Variants in BTD observed in about 807,000 individuals in gnomAD.
BTD encodes the protein biocytinase.
In BTD, 13 loss-of-function variants were observed where a neutral mutation model predicts 17.7. The observed-to-expected ratio is 0.74, with a 90% CI of 0.48 to 1.17. BTD has a LOEUF of 1.17. Among genes scored for constraint, BTD ranks in the 50% most tolerant of loss-of-function variants. BTD has a pLI of 0.00. For synonymous variants in BTD, 240 were observed against 245.2 expected, an observed-to-expected ratio of 0.98 and a Z score of 0.20; for missense variants, 674 against 650.4, an observed-to-expected ratio of 1.04 and a Z score of -0.39.
intron 3 of BTD, chr3:15,696,190 C>T: frequency 6.3e-7 from 1 of 1,594,994 alleles, no homozygotes; most frequent in Non-Finnish European, 8.6e-7. Flanking sequence ...GCGTTGTATC[C>T]TTGCTTATCA....
At chr3:15,690,366 G>A (rs1160395606) in intron 3 of BTD, 1 of 669,518 alleles carries the variant, frequency 1.5e-6, no homozygotes, top group East Asian at 2.7e-5. Flanking sequence ...AATTCAGGAA[G>A]TTAACTACAG....
intron 3 of BTD, chr3:15,686,206 A>G (rs758170374): frequency 6.3e-7 from 1 of 1,589,310 alleles, no homozygotes; most frequent in Admixed American, 1.8e-5. Context: ...TGCAACAATT[A>G]TTTATCGAAA....
chr3:15,665,548 G>T (rs1483100923), intron 3 of BTD, among the ~76,000 whole-genome samples: 1 of 152,142 alleles, frequency 6.6e-6, no homozygotes, highest in East Asian at 1.9e-4. Context: ...AAAAGAGAAG[G>T]AACAGGAACA....
rs1363672830 is a variant in BTD, at chr3:15,648,398, G to T, written c.*2910G>T. Among the ~76,000 whole-genome samples, 2 of 152,204 alleles carry T rather than the reference G, an allele frequency of 1.3e-5. No individual in the cohort carries two copies. The highest frequency in any genetic ancestry group is 2.1e-4 in the South Asian group (1 of 4,826). On this transcript the variant is annotated 3_prime_UTR_variant, in exon 4 of 4. Coordinates refer to ENST00000643237, the MANE Select transcript of BTD (RefSeq NM_001370658.1). ...ATGTTCCTTCTCAGGCCAGAGAAAG[G>T]TCCTGGTCTCCTGGCTTCAGTCTTT...
chr3:15,627,650 C>A (rs539918609), intron 1 of BTD, among the ~76,000 whole-genome samples: 1 of 152,152 alleles, frequency 6.6e-6, no homozygotes, highest in Admixed American at 6.5e-5. Flanking sequence ...TAAATTGTTT[C>A]TTTCATAATT....
intron 1 of BTD, among the ~76,000 whole-genome samples, chr3:15,618,220 G>A (rs1388081134): frequency 1.3e-5 from 2 of 152,134 alleles, no homozygotes; most frequent in Non-Finnish European, 2.9e-5. Flanking sequence ...TCCTGCCTTG[G>A]CCTCTTAAAG....
chr3:15,624,383 T>C (rs763699994), intron 1 of BTD, among the ~76,000 whole-genome samples: 11 of 152,106 alleles, frequency 7.2e-5, no homozygotes, highest in South Asian at 2.1e-4. Context: ...GTCCACTGTT[T>C]GTTGATTTTT....
chr3:15,610,425 T>G (rs1052163808), intron 1 of BTD, among the ~76,000 whole-genome samples: 4 of 152,188 alleles, frequency 2.6e-5, no homozygotes, highest in Non-Finnish European at 5.9e-5. Context: ...GTTAAAGGCA[T>G]TCGAGTTACA....
At chr3:15,696,323 A>C in intron 3 of BTD, 1 of 926,134 alleles carries the variant, frequency 1.1e-6, no homozygotes, top group South Asian at 1.7e-5. Flanking sequence ...CTGAAATTAA[A>C]AACTGACAAT....
intron 2 of BTD, among the ~76,000 whole-genome samples, chr3:15,636,795 G>T: frequency 6.6e-6 from 1 of 151,356 alleles, no homozygotes; most frequent in African/African-American, 2.4e-5. Context: ...GGGGTGTTTG[G>T]GGGCAGGGGG....
chr3:15,607,822 A>G (rs2064500647), intron 1 of BTD, among the ~76,000 whole-genome samples: 1 of 152,256 alleles, frequency 6.6e-6, no homozygotes, highest in African/African-American at 2.4e-5. Context: ...ACTATTTTTT[A>G]TAGCAATGCA....
At chr3:15,682,579 A>C (rs2067659019) in intron 3 of BTD, among the ~76,000 whole-genome samples, 2 of 152,224 alleles carry the variant, frequency 1.3e-5, no homozygotes, top group African/African-American at 4.8e-5. Flanking sequence ...TCTGTGATTG[A>C]ATGACTATAT....
In BTD at chr3:15,649,125, T is replaced by C. The variant is rs2065756902; in HGVS notation, c.*3637T>C. The stretch of plus-strand genomic sequence containing the variant: ...TGATATGGCAGACCTAGGAAACAAA[T>C]ACAGAGGATCACTTGCAAAATGGCC... On this transcript the variant is annotated 3_prime_UTR_variant, in exon 4 of 4. Coordinates refer to ENST00000643237, the MANE Select transcript of BTD (RefSeq NM_001370658.1). Among the ~76,000 whole-genome samples, 1 of 152,166 alleles carries C rather than the reference T, an allele frequency of 6.6e-6. No homozygotes were observed. Among genetic ancestry groups the C allele is most frequent in the Non-Finnish European group, 1.5e-5 (1 of 68,030 alleles).
At chr3:15,680,208 T>C (rs567585366) in intron 3 of BTD, among the ~76,000 whole-genome samples, 3 of 148,204 alleles carry the variant, frequency 2.0e-5, no homozygotes, top group Admixed American at 2.0e-4. Context: ...ATATGAAATA[T>C]TATTATTATT....
rs189104344 is a variant in BTD, at chr3:15,652,080, G to A, written c.*6592G>A. 8.5e-5 allele frequency among the ~76,000 whole-genome samples: 13 copies of A among 152,356 alleles called. No individual in the cohort carries two copies. The East Asian group carries it at 2.1e-3, about 25-fold the overall frequency. ...ACGGTGGCTTACGCCTGTAATCCCA[G>A]CACTTTGGGAGGCCAAGCCTGGCGG... On this transcript the variant is annotated 3_prime_UTR_variant, in exon 4 of 4. Coordinates refer to ENST00000643237, the MANE Select transcript of BTD (RefSeq NM_001370658.1).
At chr3:15,696,956 G>T (rs1287820469) in intron 3 of BTD, among the ~76,000 whole-genome samples, 1 of 152,178 alleles carries the variant, frequency 6.6e-6, no homozygotes, top group Non-Finnish European at 1.5e-5. Context: ...CAGGGGAAAA[G>T]AAGTCATTAT....
At chr3:15,662,770 A>G (rs910366274) in intron 3 of BTD, among the ~76,000 whole-genome samples, 17 of 151,606 alleles carry the variant, frequency 1.1e-4, no homozygotes, top group African/African-American at 3.6e-4. Context: ...GAGCAGCTGG[A>G]ACTATAGGTG....
At chr3:15,683,382 T>C (rs972301699) in intron 3 of BTD, among the ~76,000 whole-genome samples, 3 of 152,188 alleles carry the variant, frequency 2.0e-5, no homozygotes, top group African/African-American at 7.2e-5. Flanking sequence ...AAATACAGTA[T>C]CTTCTTTGTT....
chr3:15,631,933 G>C (rs765124637), intron 1 of BTD, among the ~76,000 whole-genome samples: 2 of 152,162 alleles, frequency 1.3e-5, no homozygotes, highest in Non-Finnish European at 2.9e-5. Context: ...GATGTTAGGA[G>C]ACCACTAAGC....
Sources: gnomAD v4.1 joint callset for allele counts (sites outside exome capture counted in the v4.1 genomes callset) on GRCh38, gnomAD v4.1.1 for gene constraint, MANE v1.5 for transcripts, NCBI Gene and HGNC (gene_info 2026-07-23, HGNC 2026-07-21) for gene names.